DRC12: variants seen among roughly 807,000 people sequenced by gnomAD.
DRC12 encodes dynein regulatory complex protein 12.
the DRC12 span, chr11:119,190,360 C>T: frequency 6.2e-7 from 1 of 1,614,074 alleles, no homozygotes; most frequent in East Asian, 2.2e-5. This position sits in a 1 kb window ranked among gnomAD's most constrained non-coding sequence, Gnocchi z 4.2. Flanking sequence ...ACTGGCGTTG[C>T]TGCTCCTTGT....
chr11:119,194,711 A>C, the DRC12 span, among the ~76,000 whole-genome samples: 2 of 150,952 alleles, frequency 1.3e-5, no homozygotes, highest in African/African-American at 4.9e-5. Flanking sequence ...TGTCAAAAAA[A>C]CCAAAAAAAA....
At chr11:119,191,615 C>T in the DRC12 span, among the ~76,000 whole-genome samples, 31 of 151,400 alleles carry the variant, frequency 2.0e-4, no homozygotes, top group Admixed American at 1.8e-3. Context: ...GAAACGAGCC[C>T]GGCCAACATA....
At chr11:119,194,453 G>A in the DRC12 span, among the ~76,000 whole-genome samples, 1 of 134,650 alleles carries the variant, frequency 7.4e-6, no homozygotes, top group South Asian at 2.5e-4. Context: ...GGCAGAGGTT[G>A]CAGTGAGCCG....
At chr11:119,193,776 G>A in the DRC12 span, 3 of 1,551,532 alleles carry the variant, frequency 1.9e-6, no homozygotes, top group Non-Finnish European at 2.6e-6. Context: ...CTGCATATAT[G>A]GCCTTCCCTT....
At chr11:119,194,542 A>AAAAT in the DRC12 span, among the ~76,000 whole-genome samples, 5,250 of 47,676 alleles carry the variant, frequency 0.11, 181 homozygotes, top group Admixed American at 0.13. Flanking sequence ...AAAAAAAAAA[A>AAAAT]AAATAAATAA....
chr11:119,191,657 A>G, the DRC12 span, among the ~76,000 whole-genome samples: 1 of 151,512 alleles, frequency 6.6e-6, no homozygotes, highest in African/African-American at 2.4e-5. Flanking sequence ...AAAATACAAA[A>G]ATTAGCCAGG....
the DRC12 span, among the ~76,000 whole-genome samples, chr11:119,191,111 T>C: frequency 1.4e-4 from 21 of 151,974 alleles, 1 homozygote; most frequent in South Asian, 3.3e-3. Flanking sequence ...CATCTTTTTT[T>C]TTTTTTTTAG....
At chr11:119,194,994 C>A in the DRC12 span, 1 of 1,550,988 alleles carries the variant, frequency 6.4e-7, no homozygotes, top group South Asian at 1.2e-5. Flanking sequence ...CACATCTGCA[C>A]CTGCGGTGGC....
the DRC12 span, chr11:119,193,158 C>T: frequency 2.4e-4 from 389 of 1,613,924 alleles, 4 homozygotes; most frequent in African/African-American, 4.8e-3. Context: ...TACCTAGCTG[C>T]CCCCGAAGGC....
chr11:119,190,851 G>T, the DRC12 span: 9 of 1,608,948 alleles, frequency 5.6e-6, no homozygotes, highest in African/African-American at 1.2e-4. The surrounding 1 kb of genome is among the most constrained non-coding windows in gnomAD (Gnocchi z 4.2). Context: ...CTGGGGGCAG[G>T]CAGGATGAAA....
At chr11:119,192,734 C>T in the DRC12 span, among the ~76,000 whole-genome samples, 1 of 152,230 alleles carries the variant, frequency 6.6e-6, no homozygotes, top group African/African-American at 2.4e-5. Flanking sequence ...GCAACCTCTG[C>T]CTCCTGGGTT....
At chr11:119,190,281 G>T in the DRC12 span, 2 of 1,614,040 alleles carry the variant, frequency 1.2e-6, no homozygotes, top group Non-Finnish European at 1.7e-6. This position sits in a 1 kb window ranked among gnomAD's most constrained non-coding sequence, Gnocchi z 4.2. Flanking sequence ...ACACTTTATT[G>T]CTGGGGCCTC....
the DRC12 span, among the ~76,000 whole-genome samples, chr11:119,194,737 C>A: frequency 5.2e-4 from 70 of 134,740 alleles, no homozygotes; most frequent in Middle Eastern, 3.6e-3. Context: ...AACAAACAAA[C>A]AAAAAAAACA....
the DRC12 span, chr11:119,193,342 G>C: frequency 9.5e-7 from 1 of 1,050,424 alleles, no homozygotes; most frequent in Admixed American, 1.8e-5. Context: ...ACTTGGTCTA[G>C]TGGAACAGGA....
chr11:119,195,409 C>G, the DRC12 span: 44 of 1,550,278 alleles, frequency 2.8e-5, no homozygotes, highest in African/African-American at 5.9e-4. Context: ...GGCACCTCCA[C>G]CCACCATGAC....
At chr11:119,195,834 C>A in the DRC12 span, 4 of 211,232 alleles carry the variant, frequency 1.9e-5, no homozygotes, top group Non-Finnish European at 2.8e-5. Flanking sequence ...TGGGGCTCCC[C>A]GTGGAGTGAC....
the DRC12 span, chr11:119,194,983 C>T: frequency 3.9e-6 from 6 of 1,551,464 alleles, no homozygotes; most frequent in Non-Finnish European, 5.2e-6. Context: ...GACTCGGCCA[C>T]CACATCTGCA....
At chr11:119,195,291 G>T in the DRC12 span, 1 of 798,780 alleles carries the variant, frequency 1.3e-6, no homozygotes, top group Non-Finnish European at 2.0e-6. Flanking sequence ...CTGGCTGTGA[G>T]GACATGAAAG....
chr11:119,190,268 A>C, the DRC12 span: 10 of 1,613,654 alleles, frequency 6.2e-6, no homozygotes, highest in Non-Finnish European at 8.5e-6. The surrounding 1 kb of genome is among the most constrained non-coding windows in gnomAD (Gnocchi z 4.2). Flanking sequence ...GTTCTACATC[A>C]AGACACTTTA....
Sources: allele counts gnomAD v4.1 joint callset (sites outside exome capture counted in the v4.1 genomes callset), GRCh38; gene constraint gnomAD v4.1.1; non-coding constraint Gnocchi (gnomAD v3.1); transcripts MANE v1.5; gene names NCBI Gene and HGNC (gene_info 2026-07-23, HGNC 2026-07-21).